The following PCDHGA5 variants were observed in gnomAD, a reference collection of about 807,000 sequenced individuals.
PCDHGA5 encodes the protein protocadherin gamma subfamily A, 5.
In PCDHGA5, 36 loss-of-function variants were observed where a neutral mutation model predicts 56.7. That is an observed-to-expected ratio of 0.64 (90% CI 0.49 to 0.84). The LOEUF is 0.84. PCDHGA5 is among the 40% of genes least tolerant of loss of function. PCDHGA5 has a pLI of 0.00. For synonymous variants in PCDHGA5, 563 were observed against 520.2 expected, an observed-to-expected ratio of 1.08 and a Z score of -1.12; for missense variants, 1,305 against 1,201.5, an observed-to-expected ratio of 1.09 and a Z score of -1.27.
At chr5:141,403,928 G>A in intron 1 of PCDHGA5, 1 of 1,613,876 alleles carries the variant, frequency 6.2e-7, no homozygotes, top group Non-Finnish European at 8.5e-7. Flanking sequence ...AGATGGTGGG[G>A]GATTGAAAGG....
At chr5:141,370,824 G>A (rs754309102) in intron 1 of PCDHGA5, 3 of 1,613,996 alleles carry the variant, frequency 1.9e-6, no homozygotes, top group Middle Eastern at 1.7e-4. Context: ...GGAAATCAGC[G>A]AACTGGCTCT....
At chr5:141,381,029 T>C (rs976718384) in intron 1 of PCDHGA5, among the ~76,000 whole-genome samples, 4 of 152,266 alleles carry the variant, frequency 2.6e-5, no homozygotes, top group Admixed American at 6.5e-5. Context: ...TTAGTTCCTT[T>C]AAACAAAATT....
chr5:141,471,444 A>T (rs1366430114), intron 1 of PCDHGA5: 1 of 152,150 alleles, frequency 6.6e-6, no homozygotes, highest in Non-Finnish European at 1.5e-5. Flanking sequence ...AATCTCATGT[A>T]CCTTTTGAAA....
At chr5:141,420,010 GTC>G in intron 1 of PCDHGA5, 1 of 1,614,088 alleles carries the variant, frequency 6.2e-7, no homozygotes, top group South Asian at 1.1e-5. Context: ...GCCTGCGACA[GTC>G]TTTCAGCCCT....
chr5:141,505,494 A>G lies in PCDHGA5; in HGVS notation c.2569+13A>G. ...GCGTCCGCCAGTGGTAAGTGGTGTC[A>G]GTGTGTGTATGGAAGAGTGGGAGAC... is the stretch of plus-strand genomic sequence containing the variant. On this transcript the variant is annotated intron_variant, in intron 3 of 3. Transcript: ENST00000518069. The G allele has an allele frequency of 6.8e-6, 11 of 1,614,198 alleles. No homozygotes were observed. Among genetic ancestry groups the G allele is most frequent in the Non-Finnish European group, 9.3e-6 (11 of 1,180,006 alleles).
At position 141,423,201 on chromosome 5, in the gene PCDHGA5, C is replaced by T. The variant is rs749613139; in HGVS notation, c.2421+56450C>T. 24 of 1,613,628 alleles carry T rather than the reference C, an allele frequency of 1.5e-5. No homozygotes were observed. The South Asian group carries it at 1.5e-4, about 10-fold the overall frequency. ...ACGGCCAGCCCCCTCTCTCGGCCAC[C>T]GTCACGCTCACCGTGGCTGTGGCCG... On this transcript the variant is annotated intron_variant, in intron 1 of 3. Coordinates refer to ENST00000518069, the MANE Select transcript of PCDHGA5 (RefSeq NM_018918.3).
At chr5:141,509,077 C>A (rs1371396735) in intron 3 of PCDHGA5, among the ~76,000 whole-genome samples, 3 of 152,242 alleles carry the variant, frequency 2.0e-5, no homozygotes, top group Admixed American at 2.0e-4. Flanking sequence ...CGGGGATTTG[C>A]GACATGAAAT....
chr5:141,398,566 C>T, intron 1 of PCDHGA5: 1 of 1,613,980 alleles, frequency 6.2e-7, no homozygotes, highest in Non-Finnish European at 8.5e-7. Flanking sequence ...TGAGTCTGCA[C>T]AGCCTGGCAC....
chr5:141,381,354 G>T (rs1163041754), intron 1 of PCDHGA5, among the ~76,000 whole-genome samples: 1 of 152,202 alleles, frequency 6.6e-6, no homozygotes, highest in Admixed American at 6.5e-5. Context: ...CTTTCTGCTA[G>T]CAGAGGGTAG....
intron 1 of PCDHGA5, chr5:141,392,959 C>T (rs2092637209): frequency 6.2e-7 from 1 of 1,613,902 alleles, no homozygotes; most frequent in African/African-American, 1.3e-5. Flanking sequence ...GGTAATATCT[C>T]CAAGGACCTG....
rs1233801398 is a variant in PCDHGA5, at chr5:141,431,238, C to T, written c.2422-63569C>T. The stretch of plus-strand genomic sequence containing the variant: ...TTCCCTCTACCCCACGCCTGGGATC[C>T]GGATATCGGGAAGAACTCTCTGCAG... On this transcript the variant is annotated intron_variant, in intron 1 of 3. Coordinates refer to ENST00000518069, the MANE Select transcript of PCDHGA5 (RefSeq NM_018918.3). This position sits in a 1 kb window ranked among gnomAD's most constrained non-coding sequence, Gnocchi z 4.8. The T allele has an allele frequency of 3.7e-6, 6 of 1,614,156 alleles. No homozygotes were observed. Among genetic ancestry groups the T allele is most frequent in the Non-Finnish European group, 8.5e-7 (1 of 1,180,038 alleles).
At chr5:141,374,059 C>T in intron 1 of PCDHGA5, 1 of 1,489,738 alleles carries the variant, frequency 6.7e-7, no homozygotes, top group Non-Finnish European at 8.9e-7. Flanking sequence ...TTCTTAATCC[C>T]AGAGAAGTTC....
chr5:141,379,354 C>T (rs995158490), intron 1 of PCDHGA5: 2 of 152,104 alleles, frequency 1.3e-5, no homozygotes, highest in African/African-American at 2.4e-5. Flanking sequence ...TTTCTTGTAT[C>T]TTTGTGATAT....
intron 1 of PCDHGA5, chr5:141,375,368 A>T (rs774708513): frequency 6.2e-7 from 1 of 1,613,754 alleles, no homozygotes; most frequent in Non-Finnish European, 8.5e-7. Context: ...GGACAAAGGA[A>T]CACCACCTCT....
At chr5:141,396,406 G>A (rs1245754617) in intron 1 of PCDHGA5, 2 of 152,190 alleles carry the variant, frequency 1.3e-5, no homozygotes, top group African/African-American at 4.8e-5. Context: ...ATCACCTGAG[G>A]TCAGGAGTTC....
Position 141,476,242 on chromosome 5 carries a change from G to T in PCDHGA5, c.2422-18565G>T. ...ACTATGAGATCCCGGAGGAAAGAGA[G>T]AAGGGTTTCGCTGTGGGCAACGTGG... is the stretch of plus-strand genomic sequence containing the variant. On this transcript the variant is annotated intron_variant, in intron 1 of 3. Coordinates refer to ENST00000518069, the MANE Select transcript of PCDHGA5 (RefSeq NM_018918.3). The surrounding 1 kb of genome is among the most constrained non-coding windows in gnomAD (Gnocchi z 7.6). 6.2e-7 allele frequency: 1 copy of T among 1,614,100 alleles called. No individual in the cohort carries two copies.
rs749393515 is a variant in PCDHGA5, at chr5:141,366,698, C to T, written c.2368C>T (p.Pro790Ser). 6.2e-7 allele frequency: 1 copy of T among 1,614,236 alleles called. No homozygotes were observed. The highest frequency in any genetic ancestry group is 8.5e-7 in the Non-Finnish European group (1 of 1,180,034). The stretch of plus-strand genomic sequence containing the variant: ...TGAAGAGAGCTGTGAGAAAAGCGAG[C>T]CTCTTCTGATGTCTGATAAGGTAGA... ...LSEESCEKSEPLLMSDKVDAN... is the reference protein window; with the variant it reads ...LSEESCEKSESLLMSDKVDAN... Residue 790 changes from proline (P) to serine (S), a missense_variant, in exon 1 of 4, where the codon CCT becomes TCT. By Grantham distance (74) the Pro-to-Ser change is moderately conservative (BLOSUM62 -1). Coordinates refer to ENST00000518069, the MANE Select transcript of PCDHGA5 (RefSeq NM_018918.3).
Position 141,403,961 on chromosome 5 carries a change from G to A in PCDHGA5, c.2421+37210G>A, listed in dbSNP as rs763967342. 8.1e-6 allele frequency: 13 copies of A among 1,613,892 alleles called. No individual in the cohort carries two copies. Among genetic ancestry groups the A allele is most frequent in the Non-Finnish European group, 1.1e-5 (13 of 1,179,856 alleles). On this transcript the variant is annotated intron_variant, in intron 1 of 3. Transcript: ENST00000518069. ...AGGGTGGACAAAAGTGCTCATTTCG[G>A]TGGAAGATGTAAATGACAATAGACC...
At chr5:141,389,283 G>C in intron 1 of PCDHGA5, 1 of 1,614,022 alleles carries the variant, frequency 6.2e-7, no homozygotes. Flanking sequence ...CCCGCCTGGA[G>C]CCTCTATTTC....
Sources: gnomAD v4.1 joint callset for allele counts (sites outside exome capture counted in the v4.1 genomes callset) on GRCh38, gnomAD v4.1.1 for gene constraint, Gnocchi (gnomAD v3.1) non-coding constraint, MANE v1.5 for transcripts, NCBI Gene and HGNC (gene_info 2026-07-23, HGNC 2026-07-21) for gene names.